Variants in PIAS2 observed in about 807,000 individuals in gnomAD.
PIAS2 encodes the protein E3 SUMO-protein ligase PIAS2.
A neutral mutation model predicts 69.7 loss-of-function variants in PIAS2; 19 were observed. The ratio of observed to expected loss-of-function variants is 0.27; its 90% CI spans 0.19 to 0.40. The LOEUF (loss-of-function observed/expected upper bound fraction) is 0.40, where lower values mean the gene tolerates loss of function less well. Ranked by LOEUF, PIAS2 falls within the 10% of genes least tolerant of loss-of-function variation. PIAS2 has a pLI of 1.00. For missense variants in PIAS2, 624 were observed against 757.0 expected (o/e 0.82, Z 2.06); for synonymous variants, 261 against 263.2 (o/e 0.99, Z 0.08).
At chr18:46,901,136 G>C (rs1387010791) in intron 1 of PIAS2, 1 of 341,032 alleles carries the variant, frequency 2.9e-6, no homozygotes, top group Non-Finnish European at 5.6e-6. Flanking sequence ...TTAAACTACA[G>C]GCTGGGTGCG....
At chr18:46,886,429 T>C (rs1251604233) in intron 2 of PIAS2, among the ~76,000 whole-genome samples, 1 of 152,170 alleles carries the variant, frequency 6.6e-6, no homozygotes, top group Non-Finnish European at 1.5e-5. Context: ...AAGGAGGAAT[T>C]AGAAAACAAA....
At chr18:46,834,593 A>G (rs1430123220) in intron 9 of PIAS2, among the ~76,000 whole-genome samples, 2 of 152,210 alleles carry the variant, frequency 1.3e-5, no homozygotes, top group East Asian at 3.8e-4. Flanking sequence ...AAATTAGTAG[A>G]CATTTTTATT....
intron 5 of PIAS2, among the ~76,000 whole-genome samples, 170 bp downstream of exon 5, chr18:46,855,175 C>T (rs1187391118): frequency 6.8e-6 from 1 of 146,168 alleles, no homozygotes; most frequent in African/African-American, 2.6e-5. Context: ...TGAAATAAGC[C>T]ATTTATTATT....
At chr18:46,856,164 C>G (rs1173290892) in intron 3 of PIAS2, among the ~76,000 whole-genome samples, 2 of 151,800 alleles carry the variant, frequency 1.3e-5, no homozygotes, top group South Asian at 4.2e-4. Context: ...CGCCACCACG[C>G]CCGGCTAATT....
chr18:46,913,344 A>T (rs1431673283), intron 1 of PIAS2, among the ~76,000 whole-genome samples: 1 of 152,152 alleles, frequency 6.6e-6, no homozygotes, highest in Non-Finnish European at 1.5e-5. Context: ...TGAAAGACCC[A>T]AATCTGATCT....
chr18:46,817,692 A>C (rs1338471120), intron 12 of PIAS2: 1 of 949,220 alleles, frequency 1.1e-6, no homozygotes. Flanking sequence ...ACCAAGCATT[A>C]CAAGGGTGCT....
intron 9 of PIAS2, among the ~76,000 whole-genome samples, chr18:46,830,856 A>G (rs2043506387): frequency 6.6e-6 from 1 of 152,192 alleles, no homozygotes. Context: ...CAAGGTCAGC[A>G]TTACTCTGAT....
chr18:46,884,071 C>T (rs2052728781), intron 2 of PIAS2, among the ~76,000 whole-genome samples: 2 of 152,056 alleles, frequency 1.3e-5, no homozygotes, highest in South Asian at 2.1e-4. Context: ...TACAAATACA[C>T]ATATATGATG....
rs575424316 is a variant in PIAS2 at position 46,836,271 on chromosome 18, T to C, written c.1202+86A>G. On this transcript the variant is annotated intron_variant, in intron 9 of 13. Coordinates refer to ENST00000585916, the MANE Select transcript of PIAS2 (RefSeq NM_004671.5). ...ATGCTAGAGTAGAATTTATTTAGAA[T>C]TTAGTTCAGTAAGTTGTAGTGAACA... The C allele has an allele frequency of 5.5e-5, 53 of 969,340 alleles. No individual in the cohort carries two copies. The East Asian group carries it at 1.3e-3, about 23-fold the overall frequency. 60.0% of individuals were successfully genotyped at this position (969,340 alleles called of 1,614,324 possible). A position where few individuals can be genotyped will look rare whatever the true frequency, so the allele number is the denominator to read the frequency against.
chr18:46,844,688 C>CTTT, intron 7 of PIAS2, 46 bp downstream of exon 7: 7 of 580,420 alleles, frequency 1.2e-5, no homozygotes, highest in South Asian at 4.1e-5. Context: ...TATGCTCAAT[C>CTTT]TTTTTTTTTT....
intron 2 of PIAS2, among the ~76,000 whole-genome samples, chr18:46,882,302 TAA>T (rs1201447967): frequency 6.6e-6 from 1 of 151,980 alleles, no homozygotes; most frequent in Admixed American, 6.5e-5. Flanking sequence ...AATTTAAGGA[TAA>T]AAAGAGATTG....
chr18:46,875,817 C>T (rs186008123), intron 2 of PIAS2, among the ~76,000 whole-genome samples: 220 of 152,354 alleles, frequency 1.4e-3, no homozygotes, highest in African/African-American at 4.2e-3. Context: ...CAGACTGTCC[C>T]CTTTCCACTC....
intron 2 of PIAS2, among the ~76,000 whole-genome samples, chr18:46,868,648 T>C (rs187245426): frequency 3.3e-5 from 5 of 152,338 alleles, no homozygotes; most frequent in Admixed American, 2.6e-4. Flanking sequence ...TTGTTTGGTG[T>C]GCTCTCGCAG....
intron 9 of PIAS2, among the ~76,000 whole-genome samples, chr18:46,834,755 C>G (rs1434040112): frequency 6.6e-6 from 1 of 152,190 alleles, no homozygotes; most frequent in Non-Finnish European, 1.5e-5. Flanking sequence ...GCTGGGATGA[C>G]AGGTGTGAGC....
At chr18:46,845,743 A>C (rs1376998693) in intron 6 of PIAS2, among the ~76,000 whole-genome samples, 1 of 152,112 alleles carries the variant, frequency 6.6e-6, no homozygotes, top group East Asian at 1.9e-4. Flanking sequence ...ATATTTTTTA[A>C]TGTTCTTTTA....
At chr18:46,919,110 G>A (rs1035106861), upstream of PIAS2, among the ~76,000 whole-genome samples, 1 of 150,600 alleles carries the variant, frequency 6.6e-6, no homozygotes, top group South Asian at 2.1e-4. Context: ...CAGCACTTTA[G>A]GAAGCCGAGG....
At chr18:46,885,323 C>A (rs1006601810) in intron 2 of PIAS2, among the ~76,000 whole-genome samples, 4 of 152,012 alleles carry the variant, frequency 2.6e-5, no homozygotes, top group Middle Eastern at 6.8e-3. Flanking sequence ...TCGAGACGAA[C>A]CTGGCCAACA....
intron 5 of PIAS2, chr18:46,853,255 T>C (rs2047244572): frequency 6.8e-6 from 1 of 148,066 alleles, no homozygotes; most frequent in African/African-American, 2.5e-5. Context: ...CACTCCAGCC[T>C]GGGCAACAGA....
chr18:46,892,361 G>A (rs2054197152), intron 1 of PIAS2, among the ~76,000 whole-genome samples: 1 of 151,956 alleles, frequency 6.6e-6, no homozygotes, highest in African/African-American at 2.4e-5. Context: ...ATTTCATAAT[G>A]TACAAGTGAG....
Sources: allele counts gnomAD v4.1 joint callset (sites outside exome capture counted in the v4.1 genomes callset), GRCh38; gene constraint gnomAD v4.1.1; transcripts MANE v1.5; gene names NCBI Gene and HGNC (gene_info 2026-07-23, HGNC 2026-07-21).